Variants in TMPRSS11A observed in about 807,000 individuals in gnomAD.
TMPRSS11A encodes the protein transmembrane serine protease 11A, also known as transmembrane protease serine 11A.
TMPRSS11A carries 53 observed loss-of-function variants against 58.9 expected under a neutral mutation model. The ratio of observed to expected loss-of-function variants is 0.90; its 90% CI spans 0.72 to 1.13. The LOEUF is 1.13. Among genes scored for constraint, TMPRSS11A ranks in the 50% most tolerant of loss-of-function variants. The pLI, the probability that TMPRSS11A is intolerant of heterozygous loss-of-function variation, is 0.00. For missense variants in TMPRSS11A, 493 were observed against 499.3 expected (o/e 0.99, Z 0.12); for synonymous variants, 167 against 169.8 (o/e 0.98, Z 0.13).
intron 1 of TMPRSS11A, among the ~76,000 whole-genome samples, chr4:67,955,691 C>T (rs1721273783): frequency 6.6e-6 from 1 of 152,098 alleles, no homozygotes; most frequent in Non-Finnish European, 1.5e-5. Context: ...TTGTTTCCCA[C>T]AATGTTTTAG....
intron 1 of TMPRSS11A, among the ~76,000 whole-genome samples, chr4:67,947,470 G>C (rs1302832097): frequency 6.6e-6 from 1 of 152,154 alleles, no homozygotes; most frequent in Non-Finnish European, 1.5e-5. Context: ...TTCTGGACTT[G>C]TCTGAATGCT....
At chr4:67,960,797 C>G (rs979822234) in intron 1 of TMPRSS11A, among the ~76,000 whole-genome samples, 3 of 151,992 alleles carry the variant, frequency 2.0e-5, no homozygotes, top group African/African-American at 7.3e-5. Flanking sequence ...AAGGACCTGC[C>G]CAGTACTATC....
intron 1 of TMPRSS11A, among the ~76,000 whole-genome samples, chr4:67,950,326 C>T (rs1473090127): frequency 6.6e-6 from 1 of 152,208 alleles, no homozygotes; most frequent in African/African-American, 2.4e-5. Context: ...TCTCAGCTCC[C>T]AGATGCCATC....
chr4:67,934,109 G>A (rs564062727), intron 3 of TMPRSS11A, among the ~76,000 whole-genome samples: 1 of 152,094 alleles, frequency 6.6e-6, no homozygotes, highest in African/African-American at 2.4e-5. Context: ...ATAATAAAAA[G>A]GATCCTTCTT....
intron 9 of TMPRSS11A, among the ~76,000 whole-genome samples, chr4:67,913,117 T>C (rs1720031152): frequency 6.6e-6 from 1 of 152,304 alleles, no homozygotes; most frequent in South Asian, 2.1e-4. Flanking sequence ...TACTGTTTGG[T>C]TCTAGGGTAT....
intron 1 of TMPRSS11A, among the ~76,000 whole-genome samples, chr4:67,949,826 T>TGGGCGCCAGCGC (rs1418135378): frequency 2.6e-5 from 4 of 152,174 alleles, no homozygotes; most frequent in Non-Finnish European, 5.9e-5. Flanking sequence ...GCCACTGCAC[T>TGGGCGCCAGCGC]CCAGCCTGGG....
intron 3 of TMPRSS11A, among the ~76,000 whole-genome samples, chr4:67,939,746 T>C (rs1157183670): frequency 1.3e-5 from 2 of 152,204 alleles, no homozygotes; most frequent in Non-Finnish European, 2.9e-5. Context: ...TGGAGTGCAA[T>C]GGCACGATCT....
At chr4:67,922,301 T>C (rs1404085806) in intron 7 of TMPRSS11A, among the ~76,000 whole-genome samples, 1 of 152,250 alleles carries the variant, frequency 6.6e-6, no homozygotes, top group African/African-American at 2.4e-5. Flanking sequence ...TTCTCCATCA[T>C]CACGGTTACC....
At chr4:67,941,527 C>G (rs1290861910) in intron 3 of TMPRSS11A, among the ~76,000 whole-genome samples, 1 of 152,166 alleles carries the variant, frequency 6.6e-6, no homozygotes, top group Non-Finnish European at 1.5e-5. Context: ...TTACTCACAT[C>G]TTTCCAAAAA....
chr4:67,925,410 C>T (rs959761542), intron 5 of TMPRSS11A, among the ~76,000 whole-genome samples: 1 of 152,174 alleles, frequency 6.6e-6, no homozygotes, highest in Non-Finnish European at 1.5e-5. Context: ...TTTACTTTTT[C>T]CTACCAGTGC....
chr4:67,917,644 GC>G (rs1003975558), intron 8 of TMPRSS11A, among the ~76,000 whole-genome samples: 12 of 152,206 alleles, frequency 7.9e-5, no homozygotes, highest in Admixed American at 2.0e-4. Context: ...ACCAAGAGAG[GC>G]CGTGTTCAAG....
Position 67,910,713 on chromosome 4 carries a change from G to A in TMPRSS11A, c.*629C>T, listed in dbSNP as rs1312959291. 1 of 140,376 alleles carries A rather than the reference G, an allele frequency of 7.1e-6. No individual in the cohort carries two copies. The highest frequency in any genetic ancestry group is 1.5e-5 in the Non-Finnish European group (1 of 65,430). 8.7% of individuals were successfully genotyped at this position (140,376 alleles called of 1,614,324 possible). A position where few individuals can be genotyped will look rare whatever the true frequency, so the allele number is the denominator to read the frequency against. On this transcript the variant is annotated 3_prime_UTR_variant, in exon 10 of 10. Transcript: ENST00000508048. ...AATATCTATGTGACTGTATGTGTGT[G>A]TGTGTGTAGAAAAGTCACCAAAAAT...
chr4:67,923,108 G>A (rs890836932), intron 6 of TMPRSS11A, among the ~76,000 whole-genome samples, 182 bp from the exon 7 acceptor site: 2 of 152,156 alleles, frequency 1.3e-5, no homozygotes, highest in African/African-American at 2.4e-5. Flanking sequence ...TTCTTACTGT[G>A]TGAGAACAGG....
chr4:67,947,806 A>G (rs1490776681), intron 1 of TMPRSS11A, among the ~76,000 whole-genome samples: 2 of 152,200 alleles, frequency 1.3e-5, no homozygotes, highest in Non-Finnish European at 2.9e-5. Flanking sequence ...AGCCTTGTTC[A>G]TCTTTTTACC....
intron 9 of TMPRSS11A, among the ~76,000 whole-genome samples, chr4:67,913,408 T>C (rs758629418): frequency 6.6e-6 from 1 of 152,212 alleles, no homozygotes; most frequent in Non-Finnish European, 1.5e-5. Context: ...TGGATCCTTG[T>C]ACCTGAACCG....
At chr4:67,931,014 G>A (rs1720602359) in intron 4 of TMPRSS11A, among the ~76,000 whole-genome samples, 1 of 151,566 alleles carries the variant, frequency 6.6e-6, no homozygotes, top group African/African-American at 2.4e-5. Flanking sequence ...TTAAATCTGA[G>A]GAATTAACAT....
intron 3 of TMPRSS11A, among the ~76,000 whole-genome samples, chr4:67,939,253 G>C (rs1560569933): frequency 6.6e-6 from 1 of 152,034 alleles, no homozygotes; most frequent in East Asian, 1.9e-4. Context: ...ACTGAATTTT[G>C]TACATTGATT....
intron 3 of TMPRSS11A, among the ~76,000 whole-genome samples, chr4:67,940,958 G>T (rs1560570571): frequency 6.6e-6 from 1 of 152,086 alleles, no homozygotes; most frequent in Non-Finnish European, 1.5e-5. Flanking sequence ...GTCAGTTTCT[G>T]CTGGATGCCA....
At chr4:67,922,981 T>C in intron 6 of TMPRSS11A, 55 bp from the exon 7 acceptor site, 1 of 1,570,460 alleles carries the variant, frequency 6.4e-7, no homozygotes, top group Non-Finnish European at 8.7e-7. Context: ...TTACAGGAAA[T>C]GACCCCATTC....
Sources: gnomAD v4.1 joint callset for allele counts (sites outside exome capture counted in the v4.1 genomes callset) on GRCh38, gnomAD v4.1.1 for gene constraint, MANE v1.5 for transcripts, NCBI Gene and HGNC (gene_info 2026-07-23, HGNC 2026-07-21) for gene names.